IKBKB-DT: variants seen among roughly 807,000 people sequenced by gnomAD.
The protein encoded by IKBKB-DT is IKBKB divergent transcript, also known as IKBKB antisense RNA.
At chr8:42,241,005 G>T (rs1021777068) in intron 3 of IKBKB-DT, among the ~76,000 whole-genome samples, 4 of 152,048 alleles carry the variant, frequency 2.6e-5, no homozygotes, top group African/African-American at 4.8e-5. Flanking sequence ...TTAGGACACC[G>T]ACAAAATGAA....
chr8:42,241,476 T>C (rs1341343653), intron 3 of IKBKB-DT, among the ~76,000 whole-genome samples: 1 of 152,116 alleles, frequency 6.6e-6, no homozygotes, highest in Non-Finnish European at 1.5e-5. Flanking sequence ...TCGTACACTT[T>C]ACTGCTTCTA....
chr8:42,238,071 C>G (rs937719558), intron 3 of IKBKB-DT, among the ~76,000 whole-genome samples: 4 of 143,286 alleles, frequency 2.8e-5, no homozygotes, highest in Admixed American at 2.1e-4. Context: ...TCACCAAGAC[C>G]AGGGGTAACA....
At chr8:42,239,718 T>C (rs906240856) in intron 3 of IKBKB-DT, among the ~76,000 whole-genome samples, 12 of 147,880 alleles carry the variant, frequency 8.1e-5, no homozygotes, top group Admixed American at 7.5e-4. Flanking sequence ...CGATCTTGGC[T>C]CACTGTAACC....
At chr8:42,257,697 G>A (rs1446674952) in intron 3 of IKBKB-DT, among the ~76,000 whole-genome samples, 1 of 152,082 alleles carries the variant, frequency 6.6e-6, no homozygotes, top group African/African-American at 2.4e-5. Flanking sequence ...ACTTTGGGAG[G>A]CCAAGGCAGG....
chr8:42,267,367 G>T (rs1051105576), intron 1 of IKBKB-DT, among the ~76,000 whole-genome samples: 3 of 152,140 alleles, frequency 2.0e-5, no homozygotes, highest in Non-Finnish European at 2.9e-5. Context: ...CGAGATCCAA[G>T]AACCCTCTCT....
intron 3 of IKBKB-DT, among the ~76,000 whole-genome samples, chr8:42,250,126 G>A (rs541527519): frequency 6.6e-6 from 1 of 152,114 alleles, no homozygotes; most frequent in Non-Finnish European, 1.5e-5. Flanking sequence ...TAGGGCATTT[G>A]GGGGCTAGGG....
At chr8:42,264,200 A>G (rs1002444778) in intron 2 of IKBKB-DT, among the ~76,000 whole-genome samples, 2 of 151,198 alleles carry the variant, frequency 1.3e-5, no homozygotes, top group Non-Finnish European at 2.9e-5. Context: ...TTATAAAATT[A>G]TATTTTTAAA....
At chr8:42,235,553 C>A (rs1806909048) in intron 3 of IKBKB-DT, among the ~76,000 whole-genome samples, 1 of 152,110 alleles carries the variant, frequency 6.6e-6, no homozygotes, top group African/African-American at 2.4e-5. Flanking sequence ...TTCTAACAAC[C>A]AGATGGCCCC....
intron 3 of IKBKB-DT, among the ~76,000 whole-genome samples, chr8:42,262,977 G>C (rs940580412): frequency 5.3e-5 from 8 of 152,008 alleles, no homozygotes; most frequent in Non-Finnish European, 7.4e-5. Flanking sequence ...CTGGGCTCAA[G>C]TGATCCACCA....
intron 3 of IKBKB-DT, among the ~76,000 whole-genome samples, chr8:42,234,811 A>G (rs1477833488): frequency 1.3e-5 from 2 of 152,078 alleles, no homozygotes; most frequent in South Asian, 2.1e-4. Flanking sequence ...TGTACTTTCA[A>G]TAGAGATGGC....
In IKBKB-DT at chr8:42,251,826, C is replaced by T. The variant is rs1351138834; in HGVS notation, n.1529+11503G>A. Among the ~76,000 whole-genome samples the T allele has an allele frequency of 4.8e-5, 6 of 124,200 alleles. No homozygotes were observed. In the East Asian group the frequency reaches 1.0e-3, roughly 22 times the overall value. 81.5% of individuals were successfully genotyped at this position (124,200 alleles called of 152,430 possible). On this transcript the variant is annotated intron_variant and non_coding_transcript_variant, in intron 3 of 3. Transcript: ENST00000518213. ...CCTAGGCAATAGAGCAAGACTCCAT[C>T]TCAAAAAAAAAAAAAAAGAAAAGAA...
intron 1 of IKBKB-DT, among the ~76,000 whole-genome samples, chr8:42,267,314 A>G (rs955817383): frequency 8.3e-4 from 126 of 151,986 alleles, no homozygotes; most frequent in African/African-American, 2.9e-3. Context: ...TTCTTAATAA[A>G]CTTGCTTTCA....
At chr8:42,237,764 C>T (rs887501806) in intron 3 of IKBKB-DT, among the ~76,000 whole-genome samples, 1 of 151,956 alleles carries the variant, frequency 6.6e-6, no homozygotes, top group Non-Finnish European at 1.5e-5. Flanking sequence ...GTAGCTCACA[C>T]CTGTAACCCA....
intron 3 of IKBKB-DT, among the ~76,000 whole-genome samples, chr8:42,262,426 T>TTTTATTTATTTA (rs57144579): frequency 0.055 from 7,904 of 144,306 alleles, 559 homozygotes; most frequent in African/African-American, 0.18. Context: ...TACCACATTC[T>TTTTATTTATTTA]TTTATTTATT....
chr8:42,249,661 C>T (rs1807106423), intron 3 of IKBKB-DT, among the ~76,000 whole-genome samples: 1 of 151,196 alleles, frequency 6.6e-6, no homozygotes, highest in Non-Finnish European at 1.5e-5. Context: ...CTTAACATCC[C>T]TGTGGCCAGG....
At chr8:42,258,537 C>G (rs1341048409) in intron 3 of IKBKB-DT, among the ~76,000 whole-genome samples, 1 of 151,602 alleles carries the variant, frequency 6.6e-6, no homozygotes, top group Non-Finnish European at 1.5e-5. Flanking sequence ...GGCGCGATCT[C>G]TGCTCACTGC....
intron 3 of IKBKB-DT, among the ~76,000 whole-genome samples, chr8:42,262,327 A>AAAAAG (rs892962469): frequency 6.6e-6 from 1 of 151,814 alleles, no homozygotes; most frequent in Non-Finnish European, 1.5e-5. Context: ...ATTTAAAAAA[A>AAAAAG]AAAAGAAAAG....
intron 3 of IKBKB-DT, among the ~76,000 whole-genome samples, chr8:42,240,489 G>A (rs1377545272): frequency 6.6e-6 from 1 of 151,766 alleles, no homozygotes; most frequent in Non-Finnish European, 1.5e-5. Flanking sequence ...GCCGGGCATG[G>A]TGGTGGACGC....
At chr8:42,240,254 T>A (rs1420382772) in intron 3 of IKBKB-DT, among the ~76,000 whole-genome samples, 4 of 150,976 alleles carry the variant, frequency 2.6e-5, no homozygotes, top group Non-Finnish European at 5.9e-5. Flanking sequence ...TCACTTTGGT[T>A]TTTTTGTTCC....
Sources: gnomAD v4.1 joint callset for allele counts (sites outside exome capture counted in the v4.1 genomes callset) on GRCh38, gnomAD v4.1.1 for gene constraint, MANE v1.5 for transcripts, NCBI Gene and HGNC (gene_info 2026-07-23, HGNC 2026-07-21) for gene names.